Variants in SERPINB10 observed in about 807,000 individuals in gnomAD.
The protein encoded by SERPINB10 is serpin family B member 10.
SERPINB10 carries 35 observed loss-of-function variants against 39.1 expected under a neutral mutation model. The observed-to-expected ratio is 0.90, with a 90% CI of 0.68 to 1.19. SERPINB10 has a LOEUF of 1.19. Ranked by LOEUF, SERPINB10 falls within the 50% of genes most tolerant of loss-of-function variation. The probability of loss-of-function intolerance (pLI) is 0.00; values close to 1 mark genes in which losing one functional copy is unlikely to be tolerated. For synonymous variants in SERPINB10, 190 were observed against 158.1 expected, an observed-to-expected ratio of 1.20 and a Z score of -1.52; for missense variants, 546 against 460.5, an observed-to-expected ratio of 1.19 and a Z score of -1.70.
In SERPINB10 at chr18:63,917,999, C is replaced by T. The variant is rs1348683094; in HGVS notation, c.269C>T (p.Ser90Phe). Residue 90 changes from serine (S) to phenylalanine (F), a missense_variant, in exon 4 of 8, where the codon TCT becomes TTT. Physicochemically the swap from Ser to Phe is radical, Grantham distance 155. Coordinates refer to ENST00000238508, the MANE Select transcript of SERPINB10 (RefSeq NM_005024.3). ...FNLSNSEEIH[S>F]DFQTLISEIL... Reference sequence around the variant, plus strand: ...TTGAGCAACTCGGAAGAAATACACTCTGATTTCCAAACACTTATCTCAGAA... The same window carrying T: ...TTGAGCAACTCGGAAGAAATACACTTTGATTTCCAAACACTTATCTCAGAA... 1 of 1,611,940 alleles carries T rather than the reference C, an allele frequency of 6.2e-7. No homozygotes were observed.
At chr18:63,919,460 T>TAACAGGAAAC (rs2050130251) in intron 4 of SERPINB10, among the ~76,000 whole-genome samples, 1 of 151,898 alleles carries the variant, frequency 6.6e-6, no homozygotes. Context: ...GGGGTCACTC[T>TAACAGGAAAC]TGTTATTTGT....
Position 63,934,889 on chromosome 18 carries a change from AT to A in SERPINB10, c.842del (p.Met281ArgfsTer26), listed in dbSNP as rs1179194250. 1 of 1,614,026 alleles carries A rather than the reference AT, an allele frequency of 6.2e-7. No individual in the cohort carries two copies. Among genetic ancestry groups the A allele is most frequent in the Non-Finnish European group, 8.5e-7 (1 of 1,179,998 alleles). On this transcript the variant is annotated frameshift_variant, in exon 8 of 8. Coordinates refer to ENST00000238508, the MANE Select transcript of SERPINB10 (RefSeq NM_005024.3). LOFTEE classifies it high-confidence loss of function. ...GCTGAATGAGTGGACCAGTGCAGAC[AT>A]GATGGAGTTGTATGAAGTGCAGCTA... ...EKLNEWTSADMMELYEVQLHL... is the reference protein window; with the variant it reads ...EKLNEWTSADXMELYEVQLHL...
chr18:63,935,528 G>A lies in SERPINB10; in HGVS notation c.*286G>A. 3.3e-6 allele frequency: 1 copy of A among 299,794 alleles called. No individual in the cohort carries two copies. Among genetic ancestry groups the A allele is most frequent in the East Asian group, 5.7e-5 (1 of 17,466 alleles). The allele number at this position is 299,794 out of a possible 1,614,324, so 18.6% of individuals were successfully genotyped here. A position where few individuals can be genotyped will look rare whatever the true frequency, so the allele number is the denominator to read the frequency against. On this transcript the variant is annotated 3_prime_UTR_variant, in exon 8 of 8. Coordinates refer to ENST00000238508, the MANE Select transcript of SERPINB10 (RefSeq NM_005024.3). Reference sequence around the variant, plus strand: ...TTCAACTGAATGCCTTACAATTCTTGATCACTTGCAATATCCATGATACTT... The same window carrying A: ...TTCAACTGAATGCCTTACAATTCTTAATCACTTGCAATATCCATGATACTT...
chr18:63,932,115 G>A (rs994716973), intron 6 of SERPINB10, among the ~76,000 whole-genome samples: 2 of 151,992 alleles, frequency 1.3e-5, no homozygotes, highest in Admixed American at 6.6e-5. Flanking sequence ...AATATTTTAG[G>A]GTACAATTGT....
rs2050233561 is a variant in SERPINB10, at chr18:63,932,962, C to T, written c.634-86C>T. ...AATCAGCAGTTTCACCAACTGAGAG[C>T]CAATGATGGTAGAGAATTAAGGAGT... is the stretch of plus-strand genomic sequence containing the variant. On this transcript the variant is annotated intron_variant, in intron 6 of 7. Coordinates refer to ENST00000238508, the MANE Select transcript of SERPINB10 (RefSeq NM_005024.3). 5 of 1,250,372 alleles carry T rather than the reference C, an allele frequency of 4.0e-6. No homozygotes were observed. The South Asian group carries it at 4.1e-5, about 10-fold the overall frequency. 77.5% of individuals were successfully genotyped at this position (1,250,372 alleles called of 1,614,324 possible).
chr18:63,918,119 T>C lies in SERPINB10; in HGVS notation c.372+17T>C, dbSNP rs2050118380. 3 of 1,610,600 alleles carry C rather than the reference T, an allele frequency of 1.9e-6. No homozygotes were observed. Among genetic ancestry groups the C allele is most frequent in the Admixed American group, 3.4e-5 (2 of 59,664 alleles). On this transcript the variant is annotated intron_variant, in intron 4 of 7. Transcript: ENST00000238508. The stretch of plus-strand genomic sequence containing the variant: ...TTTCACAATGTAAGTGCAAATGTCT[T>C]ATTTTAAGCTAATGGAAAAGAAAGA...
intron 5 of SERPINB10, among the ~76,000 whole-genome samples, chr18:63,921,944 C>T (rs75492443): frequency 0.011 from 1,623 of 151,998 alleles, 33 homozygotes; most frequent in African/African-American, 0.037. Context: ...CCCTCCTTTG[C>T]CCCCAAATAA....
intron 1 of SERPINB10, among the ~76,000 whole-genome samples, chr18:63,911,741 G>T (rs1399653922): frequency 1.3e-5 from 2 of 151,976 alleles, no homozygotes; most frequent in Non-Finnish European, 2.9e-5. Flanking sequence ...TTTTGCTTAG[G>T]GTTGCTTTGG....
At chr18:63,927,535 G>A (rs571411510) in intron 5 of SERPINB10, among the ~76,000 whole-genome samples, 126 of 152,124 alleles carry the variant, frequency 8.3e-4, no homozygotes, top group African/African-American at 2.9e-3. Flanking sequence ...CATTGTCATC[G>A]CATAGTGGAG....
intron 1 of SERPINB10, among the ~76,000 whole-genome samples, chr18:63,914,082 C>T (rs2050084864): frequency 6.6e-6 from 1 of 152,100 alleles, no homozygotes; most frequent in Admixed American, 6.6e-5. Context: ...ATAAGAATAG[C>T]ACCCACTGCT....
At chr18:63,911,171 TA>T (rs1457855315) in intron 1 of SERPINB10, among the ~76,000 whole-genome samples, 1 of 152,118 alleles carries the variant, frequency 6.6e-6, no homozygotes, top group Non-Finnish European at 1.5e-5. Flanking sequence ...TCCTTGTACA[TA>T]ATGGATATTA....
rs767876065 is a variant in SERPINB10 at position 63,935,166 on chromosome 18, A to G, written c.1118A>G (p.Asn373Ser). ...IRVPSIEFNA[N>S]HPFLFFIRHN... The stretch of plus-strand genomic sequence containing the variant: ...GTCCCATCCATTGAATTCAATGCAA[A>G]TCACCCATTCCTCTTCTTCATCAGG... The change falls in exon 8 of 8, where the codon AAT becomes AGT. Residue 373 changes from asparagine to serine, a missense_variant. Coordinates refer to ENST00000238508, the MANE Select transcript of SERPINB10 (RefSeq NM_005024.3). The G allele has an allele frequency of 2.5e-6, 4 of 1,613,080 alleles. No homozygotes were observed. In the South Asian group the frequency reaches 3.3e-5, roughly 13 times the overall value.
intron 5 of SERPINB10, among the ~76,000 whole-genome samples, chr18:63,929,712 CAAAAAAAAAAAAAAAAAA>C (rs74169990): frequency 1.0e-5 from 1 of 97,348 alleles, no homozygotes; most frequent in Non-Finnish European, 2.5e-5. Context: ...AGCTAAAGTG[CAAAAAAAAAAAAAAAAAA>C]AAAGAAAAAA....
intron 1 of SERPINB10, among the ~76,000 whole-genome samples, chr18:63,909,078 A>G (rs1371393737): frequency 6.6e-6 from 1 of 151,978 alleles, no homozygotes; most frequent in African/African-American, 2.4e-5. Context: ...TCTTTCCAAC[A>G]CTGATGTGCT....
At chr18:63,932,995 A>C in intron 6 of SERPINB10, 53 bp from the exon 7 acceptor site, 3 of 1,532,212 alleles carry the variant, frequency 2.0e-6, no homozygotes, top group Middle Eastern at 2.1e-4. Flanking sequence ...AGTTGGTGGA[A>C]TACTTCTTCA....
intron 1 of SERPINB10, among the ~76,000 whole-genome samples, chr18:63,914,882 G>T (rs1402807804): frequency 1.3e-5 from 2 of 152,028 alleles, no homozygotes; most frequent in Admixed American, 6.6e-5. Context: ...GAGTACTCTT[G>T]TTCCAGAAGA....
chr18:63,909,621 A>C (rs116804800), intron 1 of SERPINB10, among the ~76,000 whole-genome samples: 2 of 152,036 alleles, frequency 1.3e-5, no homozygotes, highest in Non-Finnish European at 2.9e-5. Context: ...TTACAAGTAA[A>C]TAAACACTGG....
At chr18:63,934,677 A>G (rs1053915846) in intron 7 of SERPINB10, among the ~76,000 whole-genome samples, 161 bp from the exon 8 acceptor site, 8 of 152,246 alleles carry the variant, frequency 5.3e-5, no homozygotes, top group African/African-American at 1.9e-4. Context: ...GAAGGTCAAC[A>G]TTATACAACC....
At chr18:63,928,671 C>T (rs1335694206) in intron 5 of SERPINB10, among the ~76,000 whole-genome samples, 5 of 152,030 alleles carry the variant, frequency 3.3e-5, no homozygotes, top group African/African-American at 1.2e-4. Context: ...TTCTTCCTAC[C>T]CATGAACATG....
Sources: allele counts gnomAD v4.1 joint callset (sites outside exome capture counted in the v4.1 genomes callset), GRCh38; gene constraint gnomAD v4.1.1; transcripts MANE v1.5; gene names NCBI Gene and HGNC (gene_info 2026-07-23, HGNC 2026-07-21).